GLB1: variants seen among roughly 807,000 people sequenced by gnomAD.
GLB1 encodes galactosidase beta 1.
Under a neutral mutation model 74.0 loss-of-function variants are expected in GLB1, and 56 were observed. The ratio of observed to expected loss-of-function variants is 0.76; its 90% confidence interval spans 0.61 to 0.94. GLB1 has a LOEUF of 0.94. Ranked by LOEUF, GLB1 falls within the 40% of genes least tolerant of loss-of-function variation. The pLI is 0.00. For missense variants in GLB1, 787 were observed against 845.5 expected (o/e 0.93, Z 0.86); for synonymous variants, 323 against 323.6 (o/e 1.00, Z 0.02).
chr3:32,965,952 G>A, the GLB1 span, among the ~76,000 whole-genome samples: 2 of 152,234 alleles, frequency 1.3e-5, no homozygotes, highest in African/African-American at 2.4e-5. Context: ...TGAGGTTTGG[G>A]AACCTCTGCC....
intron 1 of GLB1, 78 bp from the exon 2 acceptor site, chr3:33,072,791 G>T: frequency 6.3e-7 from 1 of 1,578,574 alleles, no homozygotes; most frequent in South Asian, 1.1e-5. Context: ...AGTAGCAAGT[G>T]ACTCTCTGCC....
intron 1 of GLB1, chr3:33,090,654 G>C: frequency 2.0e-6 from 2 of 985,430 alleles, no homozygotes; most frequent in Non-Finnish European, 2.4e-6. Context: ...GTTGAACAAA[G>C]GGACTAAAGG....
At chr3:33,074,377 G>A (rs150747600) in intron 1 of GLB1, among the ~76,000 whole-genome samples, 2,430 of 7,996 alleles carry the variant, frequency 0.3, 599 homozygotes, top group Middle Eastern at 0.7. Context: ...AGGAAGGAAG[G>A]AAGGAAGGAA....
In GLB1 at chr3:33,013,935, G is replaced by A. The variant is rs138264700; in HGVS notation, c.1734+121C>T. The A allele has an allele frequency of 1.1e-4, 166 of 1,548,564 alleles. No individual in the cohort carries two copies. The East Asian group carries it at 3.2e-3, about 30-fold the overall frequency. On this transcript the variant is annotated intron_variant, in intron 15 of 15. Transcript: ENST00000307363. ...ACAATCCGCCTCCTGAAGAATGTCC[G>A]AAACGCCACACTCAAAACCATCACA...
chr3:33,069,113 GGC>G, intron 2 of GLB1, 143 bp from the exon 3 acceptor site: 1 of 1,409,894 alleles, frequency 7.1e-7, no homozygotes, highest in Non-Finnish European at 9.7e-7. Context: ...TCCAAGGCTG[GGC>G]ACAGTGGCTC....
At chr3:32,998,247 C>G (rs747048439) in intron 15 of GLB1, among the ~76,000 whole-genome samples, 2 of 152,232 alleles carry the variant, frequency 1.3e-5, no homozygotes, top group African/African-American at 2.4e-5. Flanking sequence ...GTGGCTCATG[C>G]CTGTAATCCC....
Position 33,086,268 on chromosome 3 carries a change from G to C in GLB1, c.75+10743C>G, listed in dbSNP as rs911286321. 1.9e-4 allele frequency among the ~76,000 whole-genome samples: 29 copies of C among 151,874 alleles called. 1 individual carries two copies. Among genetic ancestry groups the C allele is most frequent in the Admixed American group, 1.9e-3 (29 of 15,244 alleles). The stretch of plus-strand genomic sequence containing the variant: ...TTGGTCATTCTTGGAGGTTGCTGTG[G>C]TATCAGATCATTATGCTATAAACTA... On this transcript the variant is annotated intron_variant, in intron 1 of 15. Coordinates refer to ENST00000307363, the MANE Select transcript of GLB1 (RefSeq NM_000404.4).
chr3:33,048,092 C>G (rs371232797), intron 9 of GLB1, among the ~76,000 whole-genome samples: 1 of 152,162 alleles, frequency 6.6e-6, no homozygotes, highest in African/African-American at 2.4e-5. Context: ...CTGCTTGCAC[C>G]TCAGGGGCAG....
chr3:33,052,615 G>A (rs1699043311), intron 7 of GLB1: 1 of 153,532 alleles, frequency 6.5e-6, no homozygotes, highest in Admixed American at 6.4e-5. Context: ...TGGCAACATA[G>A]TGAGACTCCA....
At chr3:33,011,031 A>G (rs1696999002) in intron 15 of GLB1, among the ~76,000 whole-genome samples, 1 of 151,904 alleles carries the variant, frequency 6.6e-6, no homozygotes, top group Admixed American at 6.6e-5. Context: ...TAATTTTTGT[A>G]TTTTTAGTAG....
chr3:33,024,424 T>C, intron 10 of GLB1, 99 bp from the exon 11 acceptor site: 1 of 1,306,858 alleles, frequency 7.7e-7, no homozygotes, highest in South Asian at 1.4e-5. Flanking sequence ...GGTCAAAGAC[T>C]CAACAGTGCC....
At position 33,092,326 on chromosome 3, in the gene GLB1, A is replaced by T. The variant is rs1292350273; in HGVS notation, c.75+4685T>A. Reference sequence around the variant, plus strand: ...GAAAATATTCTTCTCTAGCAGCCAGAGGGCCCTTCCATCTTGCCTGTTCTC... The same window carrying T: ...GAAAATATTCTTCTCTAGCAGCCAGTGGGCCCTTCCATCTTGCCTGTTCTC... On this transcript the variant is annotated intron_variant, in intron 1 of 15. Coordinates refer to ENST00000307363, the MANE Select transcript of GLB1 (RefSeq NM_000404.4). 6.1e-6 allele frequency: 6 copies of T among 987,262 alleles called. No individual in the cohort carries two copies. The Admixed American group carries it at 1.8e-4, about 30-fold the overall frequency. 61.2% of individuals were successfully genotyped at this position (987,262 alleles called of 1,614,324 possible).
intron 2 of GLB1, among the ~76,000 whole-genome samples, chr3:33,070,034 C>T (rs888671656): frequency 1.3e-5 from 2 of 151,488 alleles, no homozygotes; most frequent in Non-Finnish European, 2.9e-5. Flanking sequence ...GTTTAGCTAC[C>T]ACTTATAAGT....
At chr3:33,013,004 C>T (rs1454391192) in intron 15 of GLB1, among the ~76,000 whole-genome samples, 1 of 152,160 alleles carries the variant, frequency 6.6e-6, no homozygotes, top group Admixed American at 6.5e-5. Flanking sequence ...AGATCACAGT[C>T]TTATCATGTC....
chr3:33,074,385 G>GAAAGAAAAAGAAAGAAAGAAAGAAAGA (rs1338351259), intron 1 of GLB1, among the ~76,000 whole-genome samples: 1 of 19,874 alleles, frequency 5.0e-5, no homozygotes, highest in Non-Finnish European at 9.7e-5. Flanking sequence ...AGGAAGGAAG[G>GAAAGAAAAAGAAAGAAAGAAAGAAAGA]AAGGAAGAAA....
intron 6 of GLB1, among the ~76,000 whole-genome samples, chr3:33,054,391 C>T (rs1346900935): frequency 2.0e-5 from 3 of 152,106 alleles, no homozygotes; most frequent in Non-Finnish European, 4.4e-5. Flanking sequence ...CTGAGGAGGT[C>T]CCCGTGGCCT....
chr3:33,031,325 T>C (rs1398600570), intron 10 of GLB1, among the ~76,000 whole-genome samples: 1 of 151,968 alleles, frequency 6.6e-6, no homozygotes, highest in African/African-American at 2.4e-5. Context: ...AATCAGCTAA[T>C]GGAATGTCTA....
chr3:33,064,955 A>C (rs756920727), intron 5 of GLB1, among the ~76,000 whole-genome samples: 4 of 152,170 alleles, frequency 2.6e-5, no homozygotes, highest in Non-Finnish European at 5.9e-5. Context: ...AGAATGGGGC[A>C]GGAAGTAAGA....
the GLB1 span, among the ~76,000 whole-genome samples, chr3:32,970,282 G>T: frequency 2.6e-5 from 4 of 152,016 alleles, no homozygotes; most frequent in Non-Finnish European, 5.9e-5. Context: ...AGAAACTCAC[G>T]GTGGAATCAA....
Sources: allele counts gnomAD v4.1 joint callset (sites outside exome capture counted in the v4.1 genomes callset), GRCh38; gene constraint gnomAD v4.1.1; transcripts MANE v1.5; gene names NCBI Gene and HGNC (gene_info 2026-07-23, HGNC 2026-07-21).